ZNF407: variants seen among roughly 807,000 people sequenced by gnomAD.
The protein encoded by ZNF407 is zinc finger protein 407.
In ZNF407, 17 loss-of-function variants were observed where a neutral mutation model predicts 131.2. The observed-to-expected ratio is 0.13, with a 90% CI of 0.09 to 0.19. The LOEUF (loss-of-function observed/expected upper bound fraction) is 0.19. Among genes scored for constraint, ZNF407 ranks in the 10% least tolerant of loss-of-function variants. The pLI, the probability that ZNF407 is intolerant of heterozygous loss-of-function variation, is 1.00. For missense variants in ZNF407, 2,681 were observed against 2,830.6 expected (o/e 0.95, Z 1.20); for synonymous variants, 1,156 against 1,062.0 (o/e 1.09, Z -1.72).
Position 74,631,634 on chromosome 18 carries a change from T to A in ZNF407, c.615T>A (p.Ala205=). 6.2e-7 allele frequency: 1 copy of A among 1,613,966 alleles called. No homozygotes were observed. Among genetic ancestry groups the A allele is most frequent in the Non-Finnish European group, 8.5e-7 (1 of 1,179,884 alleles). ...FSSCSDLEKH[A]ESHMQQPKEH... is the part of the protein sequence containing the mutation. ...CTTGCTCTGACTTGGAAAAACATGCTGAGTCTCACATGCAGCAGCCTAAGG... is the reference window on the plus strand; with the variant it reads ...CTTGCTCTGACTTGGAAAAACATGCAGAGTCTCACATGCAGCAGCCTAAGG... Residue 205 remains alanine, a synonymous_variant, in exon 2 of 9, where the codon GCT becomes GCA. Transcript: ENST00000299687.
chr18:74,683,302 C>T (rs1225337905), intron 3 of ZNF407, among the ~76,000 whole-genome samples: 1 of 152,084 alleles, frequency 6.6e-6, no homozygotes, highest in Non-Finnish European at 1.5e-5. Flanking sequence ...ATATTTTTTG[C>T]AATTAATAAT....
At chr18:74,801,875 G>A (rs1051774656) in intron 4 of ZNF407, among the ~76,000 whole-genome samples, 15 of 152,188 alleles carry the variant, frequency 9.9e-5, no homozygotes, top group African/African-American at 2.9e-4. Flanking sequence ...TCCAGAAATC[G>A]TCCAAGTACA....
chr18:74,759,013 G>A (rs1969029936), intron 3 of ZNF407, among the ~76,000 whole-genome samples: 2 of 152,120 alleles, frequency 1.3e-5, no homozygotes, highest in Admixed American at 6.5e-5. Context: ...AGTATTTCTT[G>A]TACAGCAGGT....
chr18:74,818,525 A>G (rs1040340471), intron 4 of ZNF407, among the ~76,000 whole-genome samples: 1 of 152,214 alleles, frequency 6.6e-6, no homozygotes, highest in Non-Finnish European at 1.5e-5. Context: ...CTACTTGAAG[A>G]TTTTTATTTT....
chr18:74,697,729 A>G (rs1278819727), intron 3 of ZNF407, among the ~76,000 whole-genome samples: 1 of 152,212 alleles, frequency 6.6e-6, no homozygotes, highest in Non-Finnish European at 1.5e-5. Context: ...TAAAACTTAG[A>G]TTATTCAAAA....
chr18:75,019,011 A>G (rs985584353), intron 8 of ZNF407, among the ~76,000 whole-genome samples: 4 of 152,156 alleles, frequency 2.6e-5, no homozygotes, highest in Non-Finnish European at 4.4e-5. Flanking sequence ...GAATAGAATA[A>G]TCTGATCAAA....
At chr18:74,986,741 A>G (rs1972656368) in intron 8 of ZNF407, among the ~76,000 whole-genome samples, 4 of 152,216 alleles carry the variant, frequency 2.6e-5, no homozygotes, top group African/African-American at 4.8e-5. Context: ...AAAAATATGG[A>G]TTGAAAAACA....
chr18:74,750,676 G>A (rs1454700630), intron 3 of ZNF407, among the ~76,000 whole-genome samples: 1 of 152,160 alleles, frequency 6.6e-6, no homozygotes, highest in East Asian at 1.9e-4. Flanking sequence ...TGCTGTGAAC[G>A]TTTCTGCACA....
chr18:74,974,167 A>T lies in ZNF407; in HGVS notation c.5428+53475A>T, dbSNP rs140477120. Among the ~76,000 whole-genome samples the T allele has an allele frequency of 1.8e-3, 276 of 152,210 alleles. 1 individual carries two copies. The highest frequency in any genetic ancestry group is 0.013 in the Admixed American group (203 of 15,286). ...ATGTGCGATGGACATTATGTCTCCCACCTCGAATCCTGTGTATCCTTCGAA... is the reference window on the plus strand; with the variant it reads ...ATGTGCGATGGACATTATGTCTCCCTCCTCGAATCCTGTGTATCCTTCGAA... On this transcript the variant is annotated intron_variant, in intron 8 of 8. Transcript: ENST00000299687.
chr18:74,602,771 A>T (rs1037401907), intron 1 of ZNF407, among the ~76,000 whole-genome samples: 1 of 152,166 alleles, frequency 6.6e-6, no homozygotes, highest in African/African-American at 2.4e-5. Flanking sequence ...GTATTTTAGC[A>T]TTGATTCATT....
chr18:74,763,897 T>C (rs1252412605), intron 3 of ZNF407, among the ~76,000 whole-genome samples: 2 of 151,326 alleles, frequency 1.3e-5, no homozygotes, highest in African/African-American at 4.9e-5. Context: ...GTATTTTTAG[T>C]AGAGACGGGG....
intron 8 of ZNF407, among the ~76,000 whole-genome samples, chr18:75,055,980 A>G (rs1011593059): frequency 6.6e-6 from 1 of 152,202 alleles, no homozygotes; most frequent in African/African-American, 2.4e-5. Flanking sequence ...CAATTTCCCC[A>G]TCTCTTCTTA....
chr18:75,029,701 G>T (rs1973217050), intron 8 of ZNF407, among the ~76,000 whole-genome samples: 3 of 152,362 alleles, frequency 2.0e-5, no homozygotes, highest in East Asian at 1.9e-4. Context: ...GCTCGTGCAG[G>T]TGCTAGTTGT....
chr18:74,987,255 G>A (rs1044907838), intron 8 of ZNF407, among the ~76,000 whole-genome samples: 1 of 152,008 alleles, frequency 6.6e-6, no homozygotes, highest in Non-Finnish European at 1.5e-5. Context: ...ACATAGATAA[G>A]TCCAAAGTTG....
intron 4 of ZNF407, among the ~76,000 whole-genome samples, chr18:74,851,286 G>A (rs918062000): frequency 3.9e-5 from 6 of 152,098 alleles, no homozygotes; most frequent in Admixed American, 3.3e-4. Context: ...CGCTATTCCT[G>A]TGCATACTTA....
At position 74,881,067 on chromosome 18, in the gene ZNF407, CTT is replaced by C; in HGVS notation, c.5078_5079del (p.Phe1693CysfsTer25). ...AGTCGTTTCTGTGTGACCTCTGCGG[CTT>C]TGCCGGCGGGACCCGCCACGCCCTC... The part of the protein sequence containing the change: ...EKSFLCDLCG[F>X]AGGTRHALTK... On this transcript the variant is annotated frameshift_variant, in exon 6 of 9. Coordinates refer to ENST00000299687, the MANE Select transcript of ZNF407 (RefSeq NM_017757.3). LOFTEE classifies it high-confidence loss of function. 6.3e-7 allele frequency: 1 copy of C among 1,575,906 alleles called. No individual in the cohort carries two copies. The highest frequency in any genetic ancestry group is 8.6e-7 in the Non-Finnish European group (1 of 1,160,640).
At chr18:74,602,508 TGGTAACAATA>T (rs1285259609) in intron 1 of ZNF407, among the ~76,000 whole-genome samples, 1 of 152,162 alleles carries the variant, frequency 6.6e-6, no homozygotes, top group Non-Finnish European at 1.5e-5. Flanking sequence ...AATTCAGTGG[TGGTAACAATA>T]ATAATGTTTT....
At chr18:74,847,680 GACAACATGTGTAGTGT>G (rs1970720464) in intron 4 of ZNF407, among the ~76,000 whole-genome samples, 1 of 152,118 alleles carries the variant, frequency 6.6e-6, no homozygotes. Flanking sequence ...GGAGAAAGTC[GACAACATGTGTAGTGT>G]GTATGTCTGC....
chr18:75,018,325 GTAAATGAAAAATACAGTTGCAGTC>G (rs934439601), intron 8 of ZNF407, among the ~76,000 whole-genome samples: 2 of 151,740 alleles, frequency 1.3e-5, no homozygotes. Flanking sequence ...GGAGAAAAAA[GTAAATGAAAAATACAGTTGCAGTC>G]TAAATATTAT....
Sources: allele counts gnomAD v4.1 joint callset (sites outside exome capture counted in the v4.1 genomes callset), GRCh38; gene constraint gnomAD v4.1.1; transcripts MANE v1.5; gene names NCBI Gene and HGNC (gene_info 2026-07-23, HGNC 2026-07-21).